Variants in ATRNL1 observed in about 807,000 individuals in gnomAD.
ATRNL1 encodes the protein attractin-like protein 1.
In ATRNL1, 95 loss-of-function variants were observed where a neutral mutation model predicts 182.7. The observed-to-expected ratio is 0.52, with a 90% confidence interval of 0.44 to 0.62. The LOEUF (loss-of-function observed/expected upper bound fraction) is 0.62, where lower values mean the gene tolerates loss of function less well. Ranked by LOEUF, ATRNL1 falls within the 20% of genes least tolerant of loss-of-function variation. ATRNL1 has a pLI of 0.00. For synonymous variants in ATRNL1, 576 were observed against 568.3 expected (o/e 1.01, Z -0.19); for missense variants, 1,471 against 1,679.5 (o/e 0.88, Z 2.17).
chr10:115,767,343 T>C (rs1593189151), intron 27 of ATRNL1, among the ~76,000 whole-genome samples: 2 of 152,180 alleles, frequency 1.3e-5, no homozygotes. Context: ...AACAGCCCCA[T>C]TTTTGTCAAT....
chr10:115,281,611 A>G (rs1852364595), intron 14 of ATRNL1, 124 bp downstream of exon 14: 1 of 936,340 alleles, frequency 1.1e-6, no homozygotes, highest in Non-Finnish European at 1.6e-6. Flanking sequence ...TCAACCTATA[A>G]TATTGTAGTA....
intron 28 of ATRNL1, among the ~76,000 whole-genome samples, chr10:115,917,861 G>A (rs1254125686): frequency 1.3e-5 from 2 of 151,952 alleles, no homozygotes; most frequent in Non-Finnish European, 2.9e-5. Context: ...AAATAAATAG[G>A]GGCAACAAAA....
intron 17 of ATRNL1, among the ~76,000 whole-genome samples, chr10:115,304,359 C>T (rs1412127177): frequency 1.3e-5 from 2 of 152,118 alleles, no homozygotes; most frequent in Non-Finnish European, 2.9e-5. Flanking sequence ...GAGAGGCAAC[C>T]CATTCTAGTT....
At chr10:115,462,406 G>T (rs1472033664) in intron 22 of ATRNL1, among the ~76,000 whole-genome samples, 5 of 152,158 alleles carry the variant, frequency 3.3e-5, no homozygotes, top group Non-Finnish European at 5.9e-5. Flanking sequence ...GATGCCCAGA[G>T]ATCGAGACCA....
intron 18 of ATRNL1, among the ~76,000 whole-genome samples, chr10:115,323,731 A>G (rs1854714830): frequency 6.6e-6 from 1 of 151,492 alleles, no homozygotes; most frequent in Admixed American, 6.6e-5. Context: ...GGCATGAGCC[A>G]CCGTGCCTGG....
intron 1 of ATRNL1, among the ~76,000 whole-genome samples, chr10:115,115,488 T>C (rs1253128289): frequency 6.6e-6 from 1 of 152,084 alleles, no homozygotes; most frequent in Non-Finnish European, 1.5e-5. Context: ...TATACATGTA[T>C]TGAAGCATCA....
intron 13 of ATRNL1, among the ~76,000 whole-genome samples, chr10:115,276,788 CTA>C (rs1554914951): frequency 6.6e-6 from 1 of 152,090 alleles, no homozygotes; most frequent in African/African-American, 2.4e-5. Flanking sequence ...AAAATGCCAG[CTA>C]TGTTTCAGAA....
At chr10:115,601,465 G>A (rs115385602) in intron 26 of ATRNL1, among the ~76,000 whole-genome samples, 2,843 of 152,288 alleles carry the variant, frequency 0.019, 105 homozygotes, top group African/African-American at 0.066. Flanking sequence ...GTGACAAAGA[G>A]AAGTGTTGAA....
At chr10:115,878,258 C>T (rs1951743133) in intron 28 of ATRNL1, among the ~76,000 whole-genome samples, 1 of 152,266 alleles carries the variant, frequency 6.6e-6, no homozygotes, top group Admixed American at 6.5e-5. Flanking sequence ...AAAAAGCCTT[C>T]ATTCCAACCA....
chr10:115,728,830 GA>G (rs1192889610), intron 27 of ATRNL1, among the ~76,000 whole-genome samples: 11 of 152,098 alleles, frequency 7.2e-5, no homozygotes, highest in Admixed American at 4.6e-4. Flanking sequence ...ATTTGTTGGG[GA>G]AAAAATAACA....
intron 21 of ATRNL1, among the ~76,000 whole-genome samples, chr10:115,448,656 C>A (rs1847128021): frequency 6.6e-6 from 1 of 150,892 alleles, no homozygotes; most frequent in Admixed American, 6.6e-5. Context: ...TAGCAGAAGA[C>A]AAGAAATAAC....
chr10:115,239,821 A>G (rs782310363), intron 9 of ATRNL1, among the ~76,000 whole-genome samples: 3 of 152,210 alleles, frequency 2.0e-5, no homozygotes, highest in Non-Finnish European at 4.4e-5. Flanking sequence ...GCAACTGGGC[A>G]GAGGAAGAGC....
intron 9 of ATRNL1, among the ~76,000 whole-genome samples, chr10:115,235,973 C>T (rs913204272): frequency 6.6e-6 from 1 of 152,010 alleles, no homozygotes; most frequent in African/African-American, 2.4e-5. Context: ...TCATTTATAT[C>T]AGTATGAATT....
At position 115,143,411 on chromosome 10, in the gene ATRNL1, A is replaced by ATT. The variant is rs67548142; in HGVS notation, c.829+13888_829+13889dup. ...ACCAAGGTCTTAAATCTTTCTTGGGATTTTTTTTTTTTTATAGTGTGTATT... is the reference window on the plus strand; with the variant it reads ...ACCAAGGTCTTAAATCTTTCTTGGGATTTTTTTTTTTTTTTATAGTGTGTATT... On this transcript the variant is annotated intron_variant, in intron 5 of 28. Transcript: ENST00000355044. Among the ~76,000 whole-genome samples the ATT allele has an allele frequency of 3.8e-3, 546 of 145,426 alleles. 2 individuals carry two copies. Among genetic ancestry groups the ATT allele is most frequent in the African/African-American group, 0.013 (528 of 40,112 alleles).
chr10:115,109,192 T>TA lies in ATRNL1; in HGVS notation c.294-10992dup, dbSNP rs556919472. ...TTCCCAAACTCTCCCAGCCTCTACT[T>TA]ATTGCTGAGTTTCAAAGTGGCTTCC... On this transcript the variant is annotated intron_variant, in intron 1 of 28. Transcript: ENST00000355044. 3.3e-4 allele frequency among the ~76,000 whole-genome samples: 51 copies of TA among 152,318 alleles called. 1 individual carries two copies. In the South Asian group the frequency reaches 0.01, roughly 30 times the overall value.
chr10:115,739,780 G>T (rs1948084169), intron 27 of ATRNL1, among the ~76,000 whole-genome samples: 1 of 152,152 alleles, frequency 6.6e-6, no homozygotes, highest in Non-Finnish European at 1.5e-5. Context: ...GTATGCAGTA[G>T]TTATTTCCTA....
intron 19 of ATRNL1, among the ~76,000 whole-genome samples, chr10:115,353,677 T>C (rs1410768288): frequency 6.6e-6 from 1 of 152,220 alleles, no homozygotes; most frequent in Non-Finnish European, 1.5e-5. Context: ...ATTAGTGATT[T>C]CCTCTGGCTG....
At position 115,266,778 on chromosome 10, in the gene ATRNL1, CTTG is replaced by C; in HGVS notation, c.1773-16_1773-14del. 3 of 1,453,308 alleles carry C rather than the reference CTTG, an allele frequency of 2.1e-6. No individual in the cohort carries two copies. Among genetic ancestry groups the C allele is most frequent in the Non-Finnish European group, 2.8e-6 (3 of 1,063,270 alleles). The allele number at this position is 1,453,308 out of a possible 1,614,324, so 90.0% of individuals were successfully genotyped here. On this transcript the variant is annotated splice_polypyrimidine_tract_variant and intron_variant, in intron 11 of 28. Coordinates refer to ENST00000355044, the MANE Select transcript of ATRNL1 (RefSeq NM_207303.4). ...CTTTTAATAGCGTTTCTTTAAGATT[CTTG>C]TTTTGTTTTTAATAGGTCCATGTAT...
chr10:115,851,751 G>C (rs1331730092), intron 28 of ATRNL1, among the ~76,000 whole-genome samples: 1 of 152,116 alleles, frequency 6.6e-6, no homozygotes, highest in Non-Finnish European at 1.5e-5. Context: ...TCTGTGAGCA[G>C]CCACTGCAAT....
Sources: allele counts gnomAD v4.1 joint callset (sites outside exome capture counted in the v4.1 genomes callset), GRCh38; gene constraint gnomAD v4.1.1; transcripts MANE v1.5; gene names NCBI Gene and HGNC (gene_info 2026-07-23, HGNC 2026-07-21).